Variants in CRTAC1 observed in about 807,000 individuals in gnomAD.
CRTAC1 encodes acidic secreted protein in cartilage.
In CRTAC1, 37 loss-of-function variants were observed where a neutral mutation model predicts 67.8. That is an observed-to-expected ratio of 0.55 (90% CI 0.42 to 0.72). CRTAC1 has a LOEUF of 0.72. Ranked by LOEUF, CRTAC1 falls within the 30% of genes least tolerant of loss-of-function variation. The pLI is 0.00. For synonymous variants in CRTAC1, 348 were observed against 371.0 expected (o/e 0.94, Z 0.71); for missense variants, 780 against 931.6 (o/e 0.84, Z 2.12).
chr10:97,920,585 C>T (rs11189433), intron 4 of CRTAC1, among the ~76,000 whole-genome samples: 11,020 of 152,204 alleles, frequency 0.072, 506 homozygotes, highest in African/African-American at 0.12. Context: ...GCATTTCTAA[C>T]GAGTTCCCAG....
intron 14 of CRTAC1, chr10:97,868,265 A>G (rs977932093): frequency 1.3e-5 from 2 of 152,296 alleles, no homozygotes; most frequent in South Asian, 2.1e-4. Flanking sequence ...GGATTTAAAG[A>G]TCACTTGAAT....
chr10:98,009,900 C>T (rs1196292737), intron 2 of CRTAC1, among the ~76,000 whole-genome samples: 2 of 152,162 alleles, frequency 1.3e-5, no homozygotes, highest in African/African-American at 4.8e-5. Context: ...TTGCTTACTG[C>T]CTCTGAACCC....
chr10:97,914,163 T>C (rs1304503078), intron 5 of CRTAC1, among the ~76,000 whole-genome samples: 1 of 151,892 alleles, frequency 6.6e-6, no homozygotes, highest in Non-Finnish European at 1.5e-5. Context: ...AGCAGAGAGA[T>C]GGACCCCAGA....
intron 2 of CRTAC1, among the ~76,000 whole-genome samples, chr10:97,958,606 A>G (rs148859502): frequency 3.9e-5 from 6 of 152,330 alleles, no homozygotes; most frequent in Admixed American, 3.3e-4. Context: ...ATTTGAGTCC[A>G]TAGAGAATAT....
At chr10:97,996,885 C>A (rs973036689) in intron 2 of CRTAC1, among the ~76,000 whole-genome samples, 1 of 151,992 alleles carries the variant, frequency 6.6e-6, no homozygotes, top group African/African-American at 2.4e-5. Flanking sequence ...ACATATACAC[C>A]ATGGAATACT....
intron 2 of CRTAC1, among the ~76,000 whole-genome samples, chr10:98,000,894 A>G (rs953922979): frequency 6.6e-6 from 1 of 152,252 alleles, no homozygotes; most frequent in Non-Finnish European, 1.5e-5. Flanking sequence ...GGACATAGAC[A>G]TGGTCAAACA....
At chr10:98,014,373 G>A (rs949663445) in intron 1 of CRTAC1, among the ~76,000 whole-genome samples, 2 of 152,160 alleles carry the variant, frequency 1.3e-5, no homozygotes, top group African/African-American at 2.4e-5. Flanking sequence ...GGAATCATCT[G>A]GGGAGCTTTA....
chr10:97,942,805 G>T (rs1486370457), intron 2 of CRTAC1, among the ~76,000 whole-genome samples: 6 of 151,490 alleles, frequency 4.0e-5, no homozygotes, highest in Admixed American at 4.0e-4. Flanking sequence ...GGTAGCTCAT[G>T]CCTGTAATCC....
chr10:97,962,497 C>T (rs2051541896), intron 2 of CRTAC1, among the ~76,000 whole-genome samples: 2 of 152,162 alleles, frequency 1.3e-5, no homozygotes, highest in African/African-American at 2.4e-5. Context: ...TTGTTTGTTT[C>T]GATGTTTAAT....
intron 9 of CRTAC1, among the ~76,000 whole-genome samples, chr10:97,896,690 T>A (rs903026767): frequency 6.6e-6 from 1 of 152,116 alleles, no homozygotes; most frequent in Non-Finnish European, 1.5e-5. Context: ...AGCCTGGGAT[T>A]GGGGGAGTGG....
intron 2 of CRTAC1, among the ~76,000 whole-genome samples, chr10:97,957,626 T>G (rs2051460763): frequency 6.6e-6 from 1 of 152,216 alleles, no homozygotes; most frequent in Non-Finnish European, 1.5e-5. Flanking sequence ...GCTCACGTTC[T>G]TAACACAGTT....
chr10:97,901,831 A>G (rs1030410576), intron 7 of CRTAC1, among the ~76,000 whole-genome samples, 192 bp from the exon 8 acceptor site: 2 of 152,190 alleles, frequency 1.3e-5, no homozygotes, highest in Non-Finnish European at 1.5e-5. Context: ...GTACGAGAAG[A>G]AGGAGGGAAG....
At chr10:97,956,803 T>C (rs2051448641) in intron 2 of CRTAC1, among the ~76,000 whole-genome samples, 1 of 151,564 alleles carries the variant, frequency 6.6e-6, no homozygotes, top group Non-Finnish European at 1.5e-5. Flanking sequence ...TGGAGTTCTT[T>C]TTTTTTTTTG....
intron 3 of CRTAC1, among the ~76,000 whole-genome samples, chr10:97,933,878 C>T (rs958236661): frequency 6.6e-6 from 1 of 152,174 alleles, no homozygotes; most frequent in Non-Finnish European, 1.5e-5. Flanking sequence ...GTGACTGGGT[C>T]CCCCTCCTAG....
rs117188191 is a variant in CRTAC1, at chr10:97,882,746, C to A, written c.1675+40G>T. Reference sequence around the variant, plus strand: ...AGGCGGGCATTCCCCAGGGAGATTCCGGCCTCTACCCCATGCCCTGGTGAC... The same window carrying A: ...AGGCGGGCATTCCCCAGGGAGATTCAGGCCTCTACCCCATGCCCTGGTGAC... On this transcript the variant is annotated intron_variant, in intron 13 of 14. Coordinates refer to ENST00000370597, the MANE Select transcript of CRTAC1 (RefSeq NM_018058.7). The A allele has an allele frequency of 1.9e-6, 3 of 1,609,328 alleles. No homozygotes were observed. The South Asian group carries it at 3.3e-5, about 18-fold the overall frequency.
At chr10:97,940,807 C>T (rs2051162020) in intron 2 of CRTAC1, among the ~76,000 whole-genome samples, 1 of 152,196 alleles carries the variant, frequency 6.6e-6, no homozygotes, top group Non-Finnish European at 1.5e-5. Context: ...GTGTGTGTGA[C>T]AACACTTGGT....
At chr10:97,892,040 T>C (rs994695002) in intron 11 of CRTAC1, among the ~76,000 whole-genome samples, 1 of 152,178 alleles carries the variant, frequency 6.6e-6, no homozygotes, top group South Asian at 2.1e-4. Context: ...TCCCAGGGCC[T>C]TGCAAAATAG....
chr10:98,022,199 T>C (rs1456323009), intron 1 of CRTAC1, among the ~76,000 whole-genome samples: 3 of 151,710 alleles, frequency 2.0e-5, no homozygotes, highest in African/African-American at 7.3e-5. Context: ...CTACTAAAAA[T>C]ACAAAATTAG....
chr10:98,001,122 T>C (rs1842680232), intron 2 of CRTAC1, among the ~76,000 whole-genome samples: 1 of 152,150 alleles, frequency 6.6e-6, no homozygotes, highest in Non-Finnish European at 1.5e-5. Flanking sequence ...AAAATACAAC[T>C]GGTAAAGCTG....
Sources: gnomAD v4.1 joint callset for allele counts (sites outside exome capture counted in the v4.1 genomes callset) on GRCh38, gnomAD v4.1.1 for gene constraint, MANE v1.5 for transcripts, NCBI Gene and HGNC (gene_info 2026-07-23, HGNC 2026-07-21) for gene names.